Variants in MAPKAP1 observed in about 807,000 individuals in gnomAD.
MAPKAP1 encodes MAPK associated protein 1.
MAPKAP1 carries 20 observed loss-of-function variants against 65.7 expected under a neutral mutation model. The observed-to-expected ratio is 0.30, with a 90% CI of 0.21 to 0.44. MAPKAP1 has a LOEUF of 0.44. MAPKAP1 is among the 20% of genes least tolerant of loss of function. The probability of loss-of-function intolerance (pLI) is 1.00; values close to 1 mark genes in which losing one functional copy is unlikely to be tolerated. For missense variants in MAPKAP1, 423 were observed against 648.0 expected, an observed-to-expected ratio of 0.65 and a Z score of 3.77; for synonymous variants, 222 against 244.3, an observed-to-expected ratio of 0.91 and a Z score of 0.85.
chr9:125,669,070 C>T (rs1246865936), intron 3 of MAPKAP1, among the ~76,000 whole-genome samples: 1 of 151,844 alleles, frequency 6.6e-6, no homozygotes, highest in African/African-American at 2.4e-5. Flanking sequence ...GTCCCAACTA[C>T]TTGGGAGGCT....
intron 10 of MAPKAP1, among the ~76,000 whole-genome samples, chr9:125,461,485 A>ACCC (rs1308869552): frequency 2.0e-5 from 3 of 152,240 alleles, no homozygotes; most frequent in Non-Finnish European, 1.5e-5. Context: ...AGGTGCATCC[A>ACCC]AATGCAGCAA....
intron 4 of MAPKAP1, among the ~76,000 whole-genome samples, chr9:125,639,472 CTAA>C (rs1564596445): frequency 6.6e-6 from 1 of 152,192 alleles, no homozygotes; most frequent in Non-Finnish European, 1.5e-5. Flanking sequence ...TGGCACATAG[CTAA>C]TTCTCAATAT....
chr9:125,555,626 C>A (rs915729644), intron 6 of MAPKAP1, among the ~76,000 whole-genome samples: 3 of 152,228 alleles, frequency 2.0e-5, no homozygotes, highest in Non-Finnish European at 4.4e-5. Flanking sequence ...GTCCTCCTGG[C>A]AGCCCACAGA....
intron 7 of MAPKAP1, chr9:125,521,684 T>C: frequency 6.3e-7 from 1 of 1,595,254 alleles, no homozygotes; most frequent in Non-Finnish European, 8.5e-7. Flanking sequence ...AGTCCAGTAC[T>C]CAAAACCCAC....
chr9:125,660,471 TATC>T (rs1189865347), intron 3 of MAPKAP1, among the ~76,000 whole-genome samples: 1 of 152,158 alleles, frequency 6.6e-6, no homozygotes, highest in Non-Finnish European at 1.5e-5. Context: ...CCCAAGTAAA[TATC>T]TTCTACATGC....
chr9:125,523,813 C>T (rs565392742), intron 7 of MAPKAP1, among the ~76,000 whole-genome samples: 1 of 152,316 alleles, frequency 6.6e-6, no homozygotes, highest in African/African-American at 2.4e-5. Flanking sequence ...TCATCTGCTT[C>T]CCTGGTCCTT....
chr9:125,535,448 G>A lies in MAPKAP1; in HGVS notation c.958+7611C>T, dbSNP rs1207263072. ...TTGGGTTTTCCACCTGATTTCCAGT[G>A]CAGCATGGCACAGAGCAGACAGCAT... On this transcript the variant is annotated intron_variant, in intron 7 of 11. Coordinates refer to ENST00000265960, the MANE Select transcript of MAPKAP1 (RefSeq NM_001006617.3). Among the ~76,000 whole-genome samples the A allele has an allele frequency of 2.0e-5, 3 of 152,158 alleles. No homozygotes were observed. In the East Asian group the frequency reaches 5.8e-4, roughly 29 times the overall value.
At chr9:125,642,457 A>C (rs1347521126) in intron 4 of MAPKAP1, among the ~76,000 whole-genome samples, 1 of 152,192 alleles carries the variant, frequency 6.6e-6, no homozygotes, top group Non-Finnish European at 1.5e-5. Flanking sequence ...ACTAAGACCA[A>C]CTAGACCCAA....
chr9:125,647,362 T>A (rs113291275), intron 4 of MAPKAP1, among the ~76,000 whole-genome samples: 7,579 of 151,880 alleles, frequency 0.05, 258 homozygotes, highest in Middle Eastern at 0.1. Context: ...AACTTCCACA[T>A]TTCTATGTGG....
chr9:125,448,706 T>TA (rs923263358), intron 10 of MAPKAP1, among the ~76,000 whole-genome samples: 2 of 152,084 alleles, frequency 1.3e-5, no homozygotes, highest in South Asian at 2.1e-4. Flanking sequence ...ACACTAGTTG[T>TA]AAAAAAATAG....
At chr9:125,565,757 A>G (rs892635616) in intron 5 of MAPKAP1, 9 of 427,346 alleles carry the variant, frequency 2.1e-5, no homozygotes, top group Non-Finnish European at 4.2e-5. Context: ...AAAAAAAAAA[A>G]AAAAAAAAAG....
chr9:125,703,416 T>A (rs938670068), intron 1 of MAPKAP1, among the ~76,000 whole-genome samples: 13 of 151,988 alleles, frequency 8.6e-5, no homozygotes, highest in African/African-American at 2.4e-4. Flanking sequence ...GACTTCTGAG[T>A]CAAAAAACTT....
chr9:125,536,907 T>C (rs892814429), intron 7 of MAPKAP1, among the ~76,000 whole-genome samples: 19 of 152,196 alleles, frequency 1.2e-4, no homozygotes, highest in African/African-American at 4.1e-4. Context: ...AAGCTAGACA[T>C]AAAACATTAA....
chr9:125,507,086 T>C (rs1829163257), intron 7 of MAPKAP1, among the ~76,000 whole-genome samples: 1 of 152,210 alleles, frequency 6.6e-6, no homozygotes, highest in Non-Finnish European at 1.5e-5. Flanking sequence ...TTGAAACATT[T>C]ATGAAAACAC....
chr9:125,509,130 T>C (rs768643028), intron 7 of MAPKAP1, among the ~76,000 whole-genome samples: 1 of 152,144 alleles, frequency 6.6e-6, no homozygotes, highest in Non-Finnish European at 1.5e-5. Context: ...ATAGTGGACA[T>C]GAAATGTTCC....
At chr9:125,628,616 C>T (rs1247818802) in intron 4 of MAPKAP1, among the ~76,000 whole-genome samples, 2 of 152,188 alleles carry the variant, frequency 1.3e-5, no homozygotes, top group East Asian at 3.9e-4. Context: ...TATAAAACCT[C>T]TAGAAGAAAT....
At chr9:125,499,486 A>C (rs572473949) in intron 8 of MAPKAP1, among the ~76,000 whole-genome samples, 1 of 152,294 alleles carries the variant, frequency 6.6e-6, no homozygotes, top group South Asian at 2.1e-4. Flanking sequence ...GTAGGGCTTC[A>C]TTTATTAACA....
chr9:125,578,939 A>G (rs1831532980), intron 5 of MAPKAP1, among the ~76,000 whole-genome samples: 1 of 152,256 alleles, frequency 6.6e-6, no homozygotes, highest in African/African-American at 2.4e-5. Flanking sequence ...TGGAATATTG[A>G]CCAAAAAATT....
At chr9:125,590,954 A>C (rs926055560) in intron 4 of MAPKAP1, among the ~76,000 whole-genome samples, 3 of 152,112 alleles carry the variant, frequency 2.0e-5, no homozygotes, top group Non-Finnish European at 2.9e-5. Flanking sequence ...CTGTGTTTTT[A>C]GTAGAGACAA....
Sources: allele counts gnomAD v4.1 joint callset (sites outside exome capture counted in the v4.1 genomes callset), GRCh38; gene constraint gnomAD v4.1.1; transcripts MANE v1.5; gene names NCBI Gene and HGNC (gene_info 2026-07-23, HGNC 2026-07-21).